Variants in SPEF1 observed in about 807,000 individuals in gnomAD.
SPEF1 encodes the protein sperm flagella and cilia-associated protein 1.
SPEF1 carries 30 observed loss-of-function variants against 31.8 expected under a neutral mutation model. The ratio of observed to expected loss-of-function variants is 0.94; its 90% CI spans 0.70 to 1.28. The LOEUF (loss-of-function observed/expected upper bound fraction) is 1.28, where lower values mean the gene tolerates loss of function less well. Ranked by LOEUF, SPEF1 falls within the 50% of genes most tolerant of loss-of-function variation. The pLI is 0.00. For missense variants in SPEF1, 298 were observed against 309.6 expected (o/e 0.96, Z 0.28); for synonymous variants, 126 against 130.1 (o/e 0.97, Z 0.21).
Position 3,779,006 on chromosome 20 carries a change from G to A in SPEF1, c.379-16C>T, listed in dbSNP as rs1241327798. The A allele has an allele frequency of 1.2e-6, 2 of 1,614,122 alleles. No homozygotes were observed. The highest frequency in any genetic ancestry group is 4.5e-5 in the East Asian group (2 of 44,880). Reference sequence around the variant, plus strand: ...GAGCCAGCTCCTGAAAGAACCCCGGGGGTCCGCTGTAAGCCCGGGCTCAGT... The same window carrying A: ...GAGCCAGCTCCTGAAAGAACCCCGGAGGTCCGCTGTAAGCCCGGGCTCAGT... On this transcript the variant is annotated splice_polypyrimidine_tract_variant and intron_variant, in intron 3 of 6. Transcript: ENST00000379756.
chr20:3,778,713 C>T, intron 5 of SPEF1, 33 bp downstream of exon 5: 1 of 1,605,216 alleles, frequency 6.2e-7, no homozygotes, highest in Non-Finnish European at 8.5e-7. Flanking sequence ...AGATCACCAG[C>T]CTGGTGAAGT....
Position 3,777,680 on chromosome 20 carries a change from T to G in SPEF1, c.*532A>C, listed in dbSNP as rs539716581. On this transcript the variant is annotated 3_prime_UTR_variant, in exon 7 of 7. Transcript: ENST00000379756. This position sits in a 1 kb window ranked among gnomAD's most constrained non-coding sequence, Gnocchi z 4.1. ...TCCTCTCCAGCTGCTGCGGTCTCCG[T>G]CGCCGAGGTGGGTCCCAGGTAAGCT... 6.6e-6 allele frequency: 1 copy of G among 152,600 alleles called. No individual in the cohort carries two copies. The highest frequency in any genetic ancestry group is 1.5e-5 in the Non-Finnish European group (1 of 68,304). 9.5% of individuals were successfully genotyped at this position (152,600 alleles called of 1,614,324 possible).
At position 3,779,774 on chromosome 20, in the gene SPEF1, G is replaced by T. The variant is rs977473638; in HGVS notation, c.111C>A (p.Val37=). 1.3e-6 allele frequency: 2 copies of T among 1,591,006 alleles called. No homozygotes were observed. Among genetic ancestry groups the T allele is most frequent in the Non-Finnish European group, 8.6e-7 (1 of 1,161,062 alleles). The change falls in exon 2 of 7, where the codon GTC becomes GTA. Residue 37 remains valine, a splice_region_variant and synonymous_variant. Transcript: ENST00000379756. ...RNLSRDFSDG[V]LVAEVIKFYF... is the part of the protein sequence containing the mutation. ...AAAACTTGATGACCTCTGCAACAAG[G>T]ACTGAGGGAGAGGGGAGCAGACATG...
At position 3,778,182 on chromosome 20, in the gene SPEF1, C is replaced by T. The variant is rs951911785; in HGVS notation, c.*30G>A. The stretch of plus-strand genomic sequence containing the variant: ...CGGCGTCGGGGCTCTGGCGGGTACC[C>T]GGGCGTCCCCGCGCGGCCCGGGCCG... On this transcript the variant is annotated 3_prime_UTR_variant, in exon 7 of 7. Transcript: ENST00000379756. The T allele has an allele frequency of 2.7e-6, 4 of 1,476,132 alleles. No homozygotes were observed. Among genetic ancestry groups the T allele is most frequent in the Non-Finnish European group, 3.7e-6 (4 of 1,095,590 alleles). 91.4% of individuals were successfully genotyped at this position (1,476,132 alleles called of 1,614,324 possible).
chr20:3,778,356 T>C, intron 6 of SPEF1, 37 bp from the exon 7 acceptor site: 2 of 1,612,718 alleles, frequency 1.2e-6, no homozygotes, highest in Admixed American at 1.7e-5. Context: ...CCTGGCGGTC[T>C]GCTCCCTCCT....
chr20:3,778,624 C>A, intron 5 of SPEF1, 80 bp from the exon 6 acceptor site: 1 of 1,564,592 alleles, frequency 6.4e-7, no homozygotes, highest in South Asian at 1.1e-5. Flanking sequence ...CCAGGCCTTC[C>A]CTTCTCCCCC....
chr20:3,779,157 G>T, intron 3 of SPEF1, 39 bp downstream of exon 3: 2 of 1,544,818 alleles, frequency 1.3e-6, no homozygotes, highest in Admixed American at 1.9e-5. Context: ...CCCCCACCCA[G>T]CCCCCAGAGC....
At chr20:3,781,142 T>C in intron 1 of SPEF1, 37 bp downstream of exon 1, 2 of 1,612,812 alleles carry the variant, frequency 1.2e-6, no homozygotes, top group Non-Finnish European at 1.7e-6. Flanking sequence ...CACACGAACA[T>C]ACAGGACAGA....
At position 3,781,234 on chromosome 20, in the gene SPEF1, G is replaced by A. The variant is rs772252022; in HGVS notation, c.54C>T (p.Asp18=). 5 of 1,614,230 alleles carry A rather than the reference G, an allele frequency of 3.1e-6. No homozygotes were observed. Among genetic ancestry groups the A allele is most frequent in the Non-Finnish European group, 4.2e-6 (5 of 1,180,042 alleles). The change falls in exon 1 of 7, where the codon GAC becomes GAT. Residue 18 remains aspartate, a synonymous_variant. Coordinates refer to ENST00000379756, the MANE Select transcript of SPEF1 (RefSeq NM_015417.5). ...EALHQLYLWV[D]NIPLSRPKRN... is the part of the protein sequence containing the mutation. ...GCTTGGGCCGGGACAGAGGGATGTT[G>A]TCTACCCACAGGTACAGCTGGTGCA...
In SPEF1 at chr20:3,780,205, G is replaced by T. The variant is rs973286746; in HGVS notation, c.110-430C>A. Among the ~76,000 whole-genome samples the T allele has an allele frequency of 2.6e-5, 4 of 151,870 alleles. No homozygotes were observed. In the East Asian group the frequency reaches 7.7e-4, roughly 29 times the overall value. ...ATACAAAAGTTAGCCAGGTGTGGTGGTGCATGTAAACCCAGCTACTTGGGT... is the reference window on the plus strand; with the variant it reads ...ATACAAAAGTTAGCCAGGTGTGGTGTTGCATGTAAACCCAGCTACTTGGGT... On this transcript the variant is annotated intron_variant, in intron 1 of 6. Transcript: ENST00000379756.
chr20:3,779,099 C>T, intron 3 of SPEF1, 97 bp downstream of exon 3: 1 of 1,573,500 alleles, frequency 6.4e-7, no homozygotes, highest in Non-Finnish European at 8.6e-7. Flanking sequence ...AAGCACCCCT[C>T]CCCCACACTT....
chr20:3,779,143 G>T, intron 3 of SPEF1, 53 bp downstream of exon 3: 1 of 1,542,220 alleles, frequency 6.5e-7, no homozygotes, highest in Non-Finnish European at 8.8e-7. Context: ...GGTCTGGGGA[G>T]CGCCCCCCAC....
At chr20:3,778,582 G>A (rs758212621) in intron 5 of SPEF1, 38 bp from the exon 6 acceptor site, 1 of 1,584,400 alleles carries the variant, frequency 6.3e-7, no homozygotes, top group Non-Finnish European at 8.6e-7. Flanking sequence ...CTTGGACCTC[G>A]GGCCCTACAC....
chr20:3,781,278 T>C lies in SPEF1; in HGVS notation c.10A>G (p.Ser4Gly). The change falls in exon 1 of 7, where the codon AGC becomes GGC. Residue 4 changes from serine (S) to glycine (G), a missense_variant. Physicochemically the swap from Ser to Gly is moderately conservative, Grantham distance 56. Transcript: ENST00000379756. MAS[S>G]VDEEALHQLY... ...TGGTGCAGCGCCTCCTCGTCCACGC[T>C]GCTCGCCATTGGCGTCCTCACGGCC... is the stretch of plus-strand genomic sequence containing the variant. 1 of 1,613,888 alleles carries C rather than the reference T, an allele frequency of 6.2e-7. No homozygotes were observed. The highest frequency in any genetic ancestry group is 8.5e-7 in the Non-Finnish European group (1 of 1,179,926).
chr20:3,777,902 G>C lies in SPEF1; in HGVS notation c.*310C>G. On this transcript the variant is annotated 3_prime_UTR_variant, in exon 7 of 7. Transcript: ENST00000379756. The surrounding 1 kb of genome is among the most constrained non-coding windows in gnomAD (Gnocchi z 4.1). Reference sequence around the variant, plus strand: ...GATGCAAGGCCGGGCCCAAGGTGTTGGACACTGCTTTGGGGGACAGGCTAG... The same window carrying C: ...GATGCAAGGCCGGGCCCAAGGTGTTCGACACTGCTTTGGGGGACAGGCTAG... 3.3e-6 allele frequency: 1 copy of C among 301,476 alleles called. No homozygotes were observed. The highest frequency in any genetic ancestry group is 6.1e-6 in the Non-Finnish European group (1 of 162,604). 18.7% of individuals were successfully genotyped at this position (301,476 alleles called of 1,614,324 possible). A position where few individuals can be genotyped will look rare whatever the true frequency, so the allele number is the denominator to read the frequency against.
At position 3,779,661 on chromosome 20, in the gene SPEF1, TAC is replaced by T; in HGVS notation, c.221+1_221+2del. 6.2e-7 allele frequency: 1 copy of T among 1,600,562 alleles called. No individual in the cohort carries two copies. Among genetic ancestry groups the T allele is most frequent in the South Asian group, 1.1e-5 (1 of 90,800 alleles). ...TGATGGGGCTGCACAGGTATTCTGCTACCTGTTCAGATGACCCCAGTTGCTGA... is the reference window on the plus strand; with the variant it reads ...TGATGGGGCTGCACAGGTATTCTGCTCTGTTCAGATGACCCCAGTTGCTGA... On this transcript the variant is annotated splice_donor_variant, in intron 2 of 6. Coordinates refer to ENST00000379756, the MANE Select transcript of SPEF1 (RefSeq NM_015417.5). LOFTEE classifies it high-confidence loss of function.
At position 3,778,281 on chromosome 20, in the gene SPEF1, G is replaced by C. The variant is rs749206059; in HGVS notation, c.642C>G (p.Leu214=). 5 of 1,612,392 alleles carry C rather than the reference G, an allele frequency of 3.1e-6. No homozygotes were observed. Among genetic ancestry groups the C allele is most frequent in the African/African-American group, 2.7e-5 (2 of 74,906 alleles). The change falls in exon 7 of 7, where the codon CTC becomes CTG. Residue 214 remains leucine (L), a synonymous_variant. Coordinates refer to ENST00000379756, the MANE Select transcript of SPEF1 (RefSeq NM_015417.5). ...CTTCGATCCGCACATTCTTGAGCTGGAGCAGGTGCTCCAGGCGCCTTACCT... is the reference window on the plus strand; with the variant it reads ...CTTCGATCCGCACATTCTTGAGCTGCAGCAGGTGCTCCAGGCGCCTTACCT... The part of the protein sequence containing the change: ...QMKVRRLEHL[L]QLKNVRIEDL...
At chr20:3,780,334 C>CAAAAAA (rs58819644) in intron 1 of SPEF1, among the ~76,000 whole-genome samples, 1 of 58,276 alleles carries the variant, frequency 1.7e-5, no homozygotes, top group African/African-American at 7.7e-5. Context: ...GACTCTGTCT[C>CAAAAAA]AAAAAAAAAA....
intron 4 of SPEF1, 63 bp from the exon 5 acceptor site, chr20:3,778,869 T>A: frequency 6.2e-7 from 1 of 1,611,286 alleles, no homozygotes; most frequent in Non-Finnish European, 8.5e-7. Flanking sequence ...TCCCCCTCCC[T>A]ACTTCCACTC....
Sources: gnomAD v4.1 joint callset for allele counts (sites outside exome capture counted in the v4.1 genomes callset) on GRCh38, gnomAD v4.1.1 for gene constraint, Gnocchi (gnomAD v3.1) non-coding constraint, MANE v1.5 for transcripts, NCBI Gene and HGNC (gene_info 2026-07-23, HGNC 2026-07-21) for gene names.